Variants in NBAS observed in about 807,000 individuals in gnomAD.
NBAS encodes NBAS subunit of NRZ tethering complex.
Under a neutral mutation model 302.5 loss-of-function variants are expected in NBAS, and 219 were observed. The ratio of observed to expected loss-of-function variants is 0.72; its 90% CI spans 0.65 to 0.81. The LOEUF is 0.81. NBAS is among the 30% of genes least tolerant of loss of function. The pLI, the probability that NBAS is intolerant of heterozygous loss-of-function variation, is 0.00. For synonymous variants in NBAS, 1,118 were observed against 1,021.6 expected (o/e 1.09, Z -1.80); for missense variants, 2,932 against 2,841.6 (o/e 1.03, Z -0.72).
At chr2:15,255,541 T>C (rs1668553196) in intron 44 of NBAS, among the ~76,000 whole-genome samples, 1 of 152,226 alleles carries the variant, frequency 6.6e-6, no homozygotes, top group Non-Finnish European at 1.5e-5. Context: ...TCTTTTGCAG[T>C]GTAGATGCTT....
the NBAS span, among the ~76,000 whole-genome samples, chr2:14,917,561 A>T: frequency 6.6e-6 from 1 of 152,254 alleles, no homozygotes; most frequent in Non-Finnish European, 1.5e-5. Context: ...GAAGGTGTTA[A>T]TACCAGGAAG....
intron 50 of NBAS, among the ~76,000 whole-genome samples, chr2:15,186,155 T>C (rs1490777635): frequency 2.7e-5 from 4 of 150,532 alleles, no homozygotes. Context: ...CTTATGTATG[T>C]GTGTCTGTGT....
chr2:15,232,465 G>C lies in NBAS; in HGVS notation c.6193C>G (p.Leu2065Val). ...TGGACTGCTGCAACAACACCTTCCA[G>C]GACCTTCAGTGGGTCCCTTGGCCCA... ...LGGPRDPLKVLEGVVAAVHAS... is the reference protein window; with the variant it reads ...LGGPRDPLKVVEGVVAAVHAS... The change falls in exon 47 of 52, where the codon CTG becomes GTG. Residue 2065 changes from leucine to valine, a missense_variant. Transcript: ENST00000281513. 2 of 1,614,074 alleles carry C rather than the reference G, an allele frequency of 1.2e-6. No homozygotes were observed. Among genetic ancestry groups the C allele is most frequent in the South Asian group, 1.1e-5 (1 of 91,082 alleles).
chr2:15,386,923 A>T (rs924531473), intron 28 of NBAS, among the ~76,000 whole-genome samples: 2 of 152,024 alleles, frequency 1.3e-5, no homozygotes, highest in Non-Finnish European at 2.9e-5. Context: ...ATATTAATTG[A>T]GTGTGTCCCC....
chr2:15,551,379 A>T, intron 6 of NBAS, 114 bp downstream of exon 6: 1 of 629,130 alleles, frequency 1.6e-6, no homozygotes, highest in Non-Finnish European at 2.6e-6. Flanking sequence ...TTATTTTAAT[A>T]GTCATGATAA....
chr2:15,016,317 A>G, the NBAS span, among the ~76,000 whole-genome samples: 2 of 152,302 alleles, frequency 1.3e-5, no homozygotes, highest in East Asian at 3.9e-4. Context: ...TGATTCAATT[A>G]TCTCCCACTG....
At chr2:15,217,693 A>C (rs904656676) in intron 48 of NBAS, among the ~76,000 whole-genome samples, 5 of 152,230 alleles carry the variant, frequency 3.3e-5, no homozygotes, top group Admixed American at 6.5e-5. Flanking sequence ...CAGGTGCATC[A>C]ATTTAGAATT....
chr2:15,328,764 C>A (rs866012380), intron 36 of NBAS, among the ~76,000 whole-genome samples: 2 of 152,316 alleles, frequency 1.3e-5, no homozygotes, highest in Middle Eastern at 3.4e-3. Context: ...TGTGGAACAT[C>A]ATTTGAGGTT....
the NBAS span, among the ~76,000 whole-genome samples, chr2:14,934,276 C>T: frequency 6.6e-6 from 1 of 152,086 alleles, no homozygotes; most frequent in Non-Finnish European, 1.5e-5. Context: ...AATTAAAAAC[C>T]TATTTTTTCC....
chr2:15,083,928 T>C, the NBAS span, among the ~76,000 whole-genome samples: 4,130 of 152,136 alleles, frequency 0.027, 189 homozygotes, highest in African/African-American at 0.095. Flanking sequence ...ATCTGTGAAA[T>C]GGAAACAAAA....
intron 11 of NBAS, among the ~76,000 whole-genome samples, chr2:15,499,346 C>T (rs1469861667): frequency 6.6e-6 from 1 of 152,168 alleles, no homozygotes. Context: ...ATAGCAAAGA[C>T]ATGGAATAAA....
At chr2:14,889,584 C>G in the NBAS span, among the ~76,000 whole-genome samples, 1 of 152,220 alleles carries the variant, frequency 6.6e-6, no homozygotes, top group Non-Finnish European at 1.5e-5. Flanking sequence ...TCTCCACATT[C>G]CTACCATACA....
the NBAS span, among the ~76,000 whole-genome samples, chr2:15,044,576 G>T: frequency 6.6e-6 from 1 of 152,208 alleles, no homozygotes; most frequent in East Asian, 1.9e-4. Flanking sequence ...CATGGAACAT[G>T]AGGAGACTCT....
intron 47 of NBAS, among the ~76,000 whole-genome samples, chr2:15,220,091 C>A (rs1170783048): frequency 6.8e-6 from 1 of 146,828 alleles, no homozygotes; most frequent in Admixed American, 6.7e-5. Flanking sequence ...TGACCCCCCC[C>A]ACCTCCCTCC....
the NBAS span, among the ~76,000 whole-genome samples, chr2:15,128,256 C>G: frequency 6.6e-6 from 1 of 152,166 alleles, no homozygotes; most frequent in Non-Finnish European, 1.5e-5. Context: ...TGCTAATATC[C>G]TTACTTTTGC....
At chr2:15,004,491 G>A in the NBAS span, among the ~76,000 whole-genome samples, 1,127 of 152,166 alleles carry the variant, frequency 7.4e-3, 12 homozygotes, top group African/African-American at 0.026. Flanking sequence ...GCCAAACGGT[G>A]AGTGAGGAAA....
At chr2:15,291,566 A>G (rs925712010) in intron 41 of NBAS, among the ~76,000 whole-genome samples, 6 of 152,224 alleles carry the variant, frequency 3.9e-5, no homozygotes, top group Non-Finnish European at 7.3e-5. Flanking sequence ...ACCAAAGGGA[A>G]TTCCACATTG....
Position 15,185,334 on chromosome 2 carries a change from C to A in NBAS, c.6711+1408G>T, listed in dbSNP as rs149564003. Among the ~76,000 whole-genome samples, 137 of 152,322 alleles carry A rather than the reference C, an allele frequency of 9.0e-4. 1 individual carries two copies. The East Asian group carries it at 0.024, about 26-fold the overall frequency. ...ATTACCACCTCCTGTTAGGCAGTAA[C>A]AGGAGACCTTAAACAATGCTTTCCT... On this transcript the variant is annotated intron_variant, in intron 50 of 51. Transcript: ENST00000281513.
At chr2:15,394,174 T>A (rs990031799) in intron 28 of NBAS, 53 bp downstream of exon 28, 1 of 1,519,748 alleles carries the variant, frequency 6.6e-7, no homozygotes, top group African/African-American at 1.4e-5. Flanking sequence ...AGAAATACTT[T>A]TAAAAATATT....
Sources: gnomAD v4.1 joint callset for allele counts (sites outside exome capture counted in the v4.1 genomes callset) on GRCh38, gnomAD v4.1.1 for gene constraint, MANE v1.5 for transcripts, NCBI Gene and HGNC (gene_info 2026-07-23, HGNC 2026-07-21) for gene names.